AKAP10: variants seen among roughly 807,000 people sequenced by gnomAD.
AKAP10 encodes A-kinase anchoring protein 10.
Under a neutral mutation model 80.8 loss-of-function variants are expected in AKAP10, and 24 were observed. That is an observed-to-expected ratio of 0.30 (90% CI 0.22 to 0.42). The LOEUF (loss-of-function observed/expected upper bound fraction) is 0.42. Among genes scored for constraint, AKAP10 ranks in the 10% least tolerant of loss-of-function variants. The pLI, the probability that AKAP10 is intolerant of heterozygous loss-of-function variation, is 1.00. For synonymous variants in AKAP10, 291 were observed against 277.7 expected (o/e 1.05, Z -0.48); for missense variants, 661 against 794.9 (o/e 0.83, Z 2.03).
chr17:19,933,995 C>A (rs771306245), intron 9 of AKAP10, among the ~76,000 whole-genome samples: 1 of 152,148 alleles, frequency 6.6e-6, no homozygotes, highest in African/African-American at 2.4e-5. Flanking sequence ...GATCTCAGCT[C>A]ACTGCAACCT....
chr17:19,942,464 T>C (rs1346682348), intron 5 of AKAP10, among the ~76,000 whole-genome samples: 1 of 152,178 alleles, frequency 6.6e-6, no homozygotes, highest in African/African-American at 2.4e-5. Flanking sequence ...CTAACACTAG[T>C]GTTAGTGGGG....
intron 5 of AKAP10, among the ~76,000 whole-genome samples, chr17:19,946,238 TATATATATATATATATA>T (rs2043114482): frequency 2.3e-4 from 2 of 8,794 alleles, no homozygotes; most frequent in African/African-American, 1.0e-3. Flanking sequence ...ATATATATAT[TATATATATATATATATA>T]TATATATATA....
chr17:19,919,222 C>T (rs1037040318), intron 12 of AKAP10, among the ~76,000 whole-genome samples: 4 of 152,074 alleles, frequency 2.6e-5, no homozygotes, highest in Non-Finnish European at 1.5e-5. Flanking sequence ...TGATGGTTTC[C>T]AGCTTCATCC....
At chr17:19,951,800 G>T (rs891457654) in intron 4 of AKAP10, among the ~76,000 whole-genome samples, 1 of 151,268 alleles carries the variant, frequency 6.6e-6, no homozygotes, top group Non-Finnish European at 1.5e-5. Context: ...CAGAGACCTT[G>T]TTCACATGTT....
intron 9 of AKAP10, among the ~76,000 whole-genome samples, chr17:19,934,417 G>A (rs1441773520): frequency 2.0e-5 from 3 of 152,118 alleles, no homozygotes; most frequent in East Asian, 1.9e-4. Flanking sequence ...GCATGAACAC[G>A]GCTCACTGCA....
intron 4 of AKAP10, among the ~76,000 whole-genome samples, chr17:19,957,440 G>C (rs867933074): frequency 3.9e-5 from 6 of 152,104 alleles, no homozygotes; most frequent in African/African-American, 1.4e-4. Context: ...TATTTGGGAG[G>C]CTGAGGCAGG....
In AKAP10 at chr17:19,937,481, G is replaced by A. The variant is rs188053606; in HGVS notation, c.1323-1051C>T. Among the ~76,000 whole-genome samples, 11 of 152,164 alleles carry A rather than the reference G, an allele frequency of 7.2e-5. No homozygotes were observed. In the East Asian group the frequency reaches 1.7e-3, roughly 24 times the overall value. On this transcript the variant is annotated intron_variant, in intron 8 of 14. Coordinates refer to ENST00000225737, the MANE Select transcript of AKAP10 (RefSeq NM_007202.4). ...CGTGTCACTGCACTCTAGCCTGGGT[G>A]ACAGAGCAAGACTCCATCTCAAAAA... is the stretch of plus-strand genomic sequence containing the variant.
chr17:19,970,682 G>C (rs1377171162), intron 1 of AKAP10, among the ~76,000 whole-genome samples: 1 of 152,280 alleles, frequency 6.6e-6, no homozygotes, highest in East Asian at 1.9e-4. Context: ...AATTAGCAGG[G>C]TGTGGTGGCG....
intron 10 of AKAP10, among the ~76,000 whole-genome samples, chr17:19,927,377 A>G (rs1324042086): frequency 6.6e-6 from 1 of 152,130 alleles, no homozygotes; most frequent in African/African-American, 2.4e-5. Flanking sequence ...CCTTTTTTAA[A>G]AGGTAGAGGA....
chr17:19,946,247 A>G (rs1174764787), intron 5 of AKAP10, among the ~76,000 whole-genome samples: 2 of 15,154 alleles, frequency 1.3e-4, no homozygotes, highest in African/African-American at 8.0e-4. Context: ...TTATATATAT[A>G]TATATATATA....
chr17:19,949,635 G>A (rs1184937788), intron 4 of AKAP10, among the ~76,000 whole-genome samples: 5 of 151,984 alleles, frequency 3.3e-5, no homozygotes, highest in African/African-American at 9.7e-5. Flanking sequence ...GGGCATGGTG[G>A]CGCGCACCTG....
chr17:19,931,722 C>A, intron 10 of AKAP10, 83 bp downstream of exon 10: 1 of 1,439,044 alleles, frequency 6.9e-7, no homozygotes, highest in Non-Finnish European at 9.3e-7. Flanking sequence ...TTAAAATTTA[C>A]AAATAATAGG....
intron 13 of AKAP10, among the ~76,000 whole-genome samples, 173 bp from the exon 14 acceptor site, chr17:19,909,449 A>G (rs1310638721): frequency 1.3e-5 from 2 of 152,222 alleles, no homozygotes; most frequent in Non-Finnish European, 2.9e-5. Context: ...GAATATTAAC[A>G]TGTCATTCCC....
chr17:19,966,470 T>C (rs548979385), intron 2 of AKAP10, among the ~76,000 whole-genome samples: 1 of 152,334 alleles, frequency 6.6e-6, no homozygotes, highest in Admixed American at 6.5e-5. Context: ...ACAGAAGAAG[T>C]GTTCTATAAA....
intron 12 of AKAP10, among the ~76,000 whole-genome samples, chr17:19,910,974 G>A (rs533753927): frequency 6.6e-6 from 1 of 152,290 alleles, no homozygotes; most frequent in East Asian, 1.9e-4. Context: ...ATTTGAACAT[G>A]CTCACTTCCT....
At chr17:19,975,587 TTACTC>T (rs1294015704) in intron 1 of AKAP10, among the ~76,000 whole-genome samples, 1 of 152,188 alleles carries the variant, frequency 6.6e-6, no homozygotes, top group Admixed American at 6.5e-5. Flanking sequence ...TCATAACACT[TTACTC>T]AACTTGTAAG....
At chr17:19,971,338 G>T (rs1205297995) in intron 1 of AKAP10, among the ~76,000 whole-genome samples, 2 of 151,686 alleles carry the variant, frequency 1.3e-5, no homozygotes, top group Non-Finnish European at 2.9e-5. Flanking sequence ...GTGAAACCCT[G>T]TGGCCACTAA....
At chr17:19,939,623 A>G in intron 8 of AKAP10, 90 bp downstream of exon 8, 5 of 1,461,670 alleles carry the variant, frequency 3.4e-6, no homozygotes, top group Non-Finnish European at 3.7e-6. Flanking sequence ...CTCCTTGACA[A>G]CAGAGACTGA....
Position 19,910,890 on chromosome 17 carries a change from T to C in AKAP10, c.1835-912A>G, listed in dbSNP as rs1332790655. Among the ~76,000 whole-genome samples, 3 of 152,234 alleles carry C rather than the reference T, an allele frequency of 2.0e-5. No homozygotes were observed. In the East Asian group the frequency reaches 5.8e-4, roughly 29 times the overall value. ...GTATAAGCCCACATCTGTAATCACA[T>C]GCTGAGAATCATCCGAAGTAGGCCA... is the stretch of plus-strand genomic sequence containing the variant. On this transcript the variant is annotated intron_variant, in intron 12 of 14. Coordinates refer to ENST00000225737, the MANE Select transcript of AKAP10 (RefSeq NM_007202.4).
Sources: allele counts gnomAD v4.1 joint callset (sites outside exome capture counted in the v4.1 genomes callset), GRCh38; gene constraint gnomAD v4.1.1; transcripts MANE v1.5; gene names NCBI Gene and HGNC (gene_info 2026-07-23, HGNC 2026-07-21).